The following METAP1 variants were observed in gnomAD, a reference collection of about 807,000 sequenced individuals.
The protein encoded by METAP1 is methionyl aminopeptidase 1.
A neutral mutation model predicts 53.8 loss-of-function variants in METAP1; 28 were observed. That is an observed-to-expected ratio of 0.52 (90% CI 0.39 to 0.71). The LOEUF is 0.71. Among genes scored for constraint, METAP1 ranks in the 30% least tolerant of loss-of-function variants. The probability of loss-of-function intolerance (pLI) is 0.00; values close to 1 mark genes in which losing one functional copy is unlikely to be tolerated. For missense variants in METAP1, 389 were observed against 479.8 expected, an observed-to-expected ratio of 0.81 and a Z score of 1.77; for synonymous variants, 181 against 165.7, an observed-to-expected ratio of 1.09 and a Z score of -0.71.
intron 10 of METAP1, among the ~76,000 whole-genome samples, chr4:99,059,735 C>T (rs1360162141): frequency 6.6e-6 from 1 of 152,006 alleles, no homozygotes; most frequent in Non-Finnish European, 1.5e-5. Flanking sequence ...CCCCTTCACC[C>T]CCTTTCCCTC....
At chr4:99,033,427 A>T (rs942906854) in intron 2 of METAP1, among the ~76,000 whole-genome samples, 2 of 152,126 alleles carry the variant, frequency 1.3e-5, no homozygotes, top group African/African-American at 4.8e-5. Context: ...TACTATGTGG[A>T]TAAGAGTTTT....
At chr4:99,003,682 T>C (rs1249216467) in intron 1 of METAP1, among the ~76,000 whole-genome samples, 1 of 152,230 alleles carries the variant, frequency 6.6e-6, no homozygotes, top group Non-Finnish European at 1.5e-5. Flanking sequence ...AGAATAAAAA[T>C]ATTAGTAAAT....
chr4:99,057,968 C>T, intron 10 of METAP1, 150 bp downstream of exon 10: 1 of 676,664 alleles, frequency 1.5e-6, no homozygotes, highest in Non-Finnish European at 2.5e-6. Flanking sequence ...TCGTGAAGAA[C>T]TGAAAATTGT....
chr4:99,023,378 C>T (rs956742168), intron 1 of METAP1: 10 of 868,396 alleles, frequency 1.2e-5, no homozygotes, highest in Non-Finnish European at 1.3e-5. Flanking sequence ...TTTGTCTTTG[C>T]ATATGTGTTT....
chr4:99,053,800 G>T lies in METAP1; in HGVS notation c.932-3953G>T, dbSNP rs114675414. On this transcript the variant is annotated intron_variant, in intron 9 of 10. Coordinates refer to ENST00000296411, the MANE Select transcript of METAP1 (RefSeq NM_015143.3). ...TCTGTTAGAGCTCTTGGGCGACCAG[G>T]TGCATTGTCAGTGAGCAGTAATATT... Among the ~76,000 whole-genome samples, 1,109 of 152,124 alleles carry T rather than the reference G, an allele frequency of 7.3e-3. 16 individuals are homozygous for T. The highest frequency in any genetic ancestry group is 0.026 in the African/African-American group (1,068 of 41,468).
At chr4:99,006,121 T>C (rs116819049) in intron 1 of METAP1, among the ~76,000 whole-genome samples, 1,875 of 152,318 alleles carry the variant, frequency 0.012, 38 homozygotes, top group African/African-American at 0.043. Flanking sequence ...TCTGGAGTTG[T>C]GTATTACTCA....
chr4:99,014,172 T>A (rs1387959463), intron 1 of METAP1, among the ~76,000 whole-genome samples: 3 of 152,202 alleles, frequency 2.0e-5, no homozygotes, highest in African/African-American at 7.2e-5. Flanking sequence ...AAGATATCTT[T>A]CCAATTTCCA....
chr4:99,046,314 T>A lies in METAP1; in HGVS notation c.787+1004T>A, dbSNP rs1726228039. Among the ~76,000 whole-genome samples the A allele has an allele frequency of 1.3e-5, 2 of 152,074 alleles. 1 individual carries two copies. Among genetic ancestry groups the A allele is most frequent in the South Asian group, 4.2e-4 (2 of 4,818 alleles). Reference sequence around the variant, plus strand: ...CTGTAATCCCAGCTACTCGGGAGGCTGAGGCAGGAGAGTTGCTGGAACCTG... The same window carrying A: ...CTGTAATCCCAGCTACTCGGGAGGCAGAGGCAGGAGAGTTGCTGGAACCTG... On this transcript the variant is annotated intron_variant, in intron 8 of 10. Coordinates refer to ENST00000296411, the MANE Select transcript of METAP1 (RefSeq NM_015143.3).
At chr4:99,016,166 G>A (rs1723754095) in intron 1 of METAP1, among the ~76,000 whole-genome samples, 1 of 152,200 alleles carries the variant, frequency 6.6e-6, no homozygotes. Flanking sequence ...GGAAGAAAAA[G>A]TAGAGGAGAG....
chr4:99,014,373 A>G (rs1215122046), intron 1 of METAP1, among the ~76,000 whole-genome samples: 5 of 152,182 alleles, frequency 3.3e-5, no homozygotes, highest in Admixed American at 3.3e-4. Flanking sequence ...GCATCATATC[A>G]AGAGTGATTC....
chr4:99,014,177 T>C (rs1723626301), intron 1 of METAP1, among the ~76,000 whole-genome samples: 1 of 152,234 alleles, frequency 6.6e-6, no homozygotes, highest in Non-Finnish European at 1.5e-5. Flanking sequence ...ATCTTTCCAA[T>C]TTCCAAATCA....
intron 1 of METAP1, among the ~76,000 whole-genome samples, chr4:99,019,987 A>G (rs146788033): frequency 0.02 from 3,060 of 152,114 alleles, 94 homozygotes; most frequent in Middle Eastern, 0.15. Context: ...TTTATAATTA[A>G]TTCTTGTAGA....
intron 9 of METAP1, among the ~76,000 whole-genome samples, chr4:99,052,438 T>C (rs1210835276): frequency 6.6e-6 from 1 of 152,212 alleles, no homozygotes; most frequent in Non-Finnish European, 1.5e-5. Context: ...CATCAGCTTC[T>C]GGAGAGGCCT....
intron 10 of METAP1, among the ~76,000 whole-genome samples, chr4:99,059,016 G>A (rs1055742475): frequency 1.3e-5 from 2 of 152,224 alleles, no homozygotes; most frequent in Non-Finnish European, 2.9e-5. Context: ...AAGATGGTAA[G>A]TATTTAGCAG....
At chr4:99,006,293 T>C (rs1399308484) in intron 1 of METAP1, among the ~76,000 whole-genome samples, 1 of 152,212 alleles carries the variant, frequency 6.6e-6, no homozygotes, top group Admixed American at 6.5e-5. Flanking sequence ...GACAAGGAAC[T>C]ATGTTTTCCT....
At chr4:99,019,929 A>G (rs966861602) in intron 1 of METAP1, among the ~76,000 whole-genome samples, 1 of 152,104 alleles carries the variant, frequency 6.6e-6, no homozygotes, top group Admixed American at 6.6e-5. Flanking sequence ...TTGTTCATCA[A>G]AGGCCTTAGT....
chr4:99,040,391 A>G (rs1725769291), intron 5 of METAP1, among the ~76,000 whole-genome samples: 1 of 151,854 alleles, frequency 6.6e-6, no homozygotes, highest in African/African-American at 2.4e-5. Flanking sequence ...TTTAAAAGTG[A>G]TTTGATTCTA....
At chr4:99,012,096 T>G (rs992920607) in intron 1 of METAP1, among the ~76,000 whole-genome samples, 2 of 152,168 alleles carry the variant, frequency 1.3e-5, no homozygotes, top group Non-Finnish European at 2.9e-5. Context: ...AGATGGGGTC[T>G]TGCTGTGTTG....
In METAP1 at chr4:99,061,666, T is replaced by C. The variant is rs564661398; in HGVS notation, c.*349T>C. On this transcript the variant is annotated 3_prime_UTR_variant, in exon 11 of 11. Transcript: ENST00000296411. ...TCCAGGTGAACATTGGAAATGAGAA[T>C]CTTTGAAACTTAGCAATATGTGTTG... 2 of 173,150 alleles carry C rather than the reference T, an allele frequency of 1.2e-5. No individual in the cohort carries two copies. The highest frequency in any genetic ancestry group is 4.7e-5 in the African/African-American group (2 of 42,454). 10.7% of individuals were successfully genotyped at this position (173,150 alleles called of 1,614,324 possible).
Sources: allele counts gnomAD v4.1 joint callset (sites outside exome capture counted in the v4.1 genomes callset), GRCh38; gene constraint gnomAD v4.1.1; transcripts MANE v1.5; gene names NCBI Gene and HGNC (gene_info 2026-07-23, HGNC 2026-07-21).